The following SLC35F2 variants were observed in gnomAD, a reference collection of about 807,000 sequenced individuals.
The protein encoded by SLC35F2 is queuine/queuosine transporter SLC35F2.
A neutral mutation model predicts 38.1 loss-of-function variants in SLC35F2; 25 were observed. The ratio of observed to expected loss-of-function variants is 0.66; its 90% CI spans 0.48 to 0.92. The LOEUF (loss-of-function observed/expected upper bound fraction) is 0.92, where lower values mean the gene tolerates loss of function less well. Ranked by LOEUF, SLC35F2 falls within the 40% of genes least tolerant of loss-of-function variation. The pLI is 0.00. For synonymous variants in SLC35F2, 173 were observed against 181.7 expected (o/e 0.95, Z 0.38); for missense variants, 409 against 452.9 (o/e 0.90, Z 0.88).
intron 1 of SLC35F2, among the ~76,000 whole-genome samples, chr11:107,853,900 G>C (rs1193351925): frequency 3.9e-5 from 6 of 151,924 alleles, no homozygotes. Context: ...GTTGATGGTT[G>C]TTACAAGGAA....
chr11:107,823,663 T>A (rs1168128405), intron 1 of SLC35F2, among the ~76,000 whole-genome samples: 1 of 152,130 alleles, frequency 6.6e-6, no homozygotes, highest in Non-Finnish European at 1.5e-5. Context: ...GCACTGTGAC[T>A]CACACCTGTA....
At chr11:107,815,005 G>T (rs933551384) in intron 2 of SLC35F2, among the ~76,000 whole-genome samples, 8 of 152,032 alleles carry the variant, frequency 5.3e-5, no homozygotes, top group Non-Finnish European at 7.4e-5. Context: ...TTGAACCCAG[G>T]AGGCGGAGGT....
chr11:107,847,525 T>C (rs1267802916), intron 1 of SLC35F2, among the ~76,000 whole-genome samples: 2 of 152,216 alleles, frequency 1.3e-5, no homozygotes, highest in Admixed American at 1.3e-4. Context: ...GAGGAATTGC[T>C]ACCATTTCAG....
At chr11:107,803,719 GACT>G (rs754050549) in intron 6 of SLC35F2, among the ~76,000 whole-genome samples, 11 of 151,452 alleles carry the variant, frequency 7.3e-5, no homozygotes, top group Non-Finnish European at 1.3e-4. Context: ...CGTGGATGTT[GACT>G]ACATTAGCAG....
rs75033506 is a variant in SLC35F2 at position 107,803,320 on chromosome 11, A to G, written c.785-165T>C. ...AAATGAGACCATAAAGCTCTCTCGA[A>G]AAAAGAATATAAATAGCAAGTTGTG... On this transcript the variant is annotated intron_variant, in intron 6 of 7. Transcript: ENST00000525815. The G allele has an allele frequency of 5.1e-6, 5 of 984,066 alleles. No homozygotes were observed. In the South Asian group the frequency reaches 1.9e-4, roughly 37 times the overall value. 61.0% of individuals were successfully genotyped at this position (984,066 alleles called of 1,614,324 possible).
At chr11:107,811,883 T>G in intron 2 of SLC35F2, 89 bp from the exon 3 acceptor site, 1 of 1,264,348 alleles carries the variant, frequency 7.9e-7, no homozygotes, top group Non-Finnish European at 1.1e-6. Flanking sequence ...AAGCAAGAGT[T>G]TCTTGTTTTT....
intron 6 of SLC35F2, chr11:107,803,430 G>C (rs558397763): frequency 4.1e-6 from 4 of 984,980 alleles, no homozygotes; most frequent in African/African-American, 1.7e-5. Flanking sequence ...ACAGTCCATT[G>C]CTCTTAATCA....
At chr11:107,823,913 A>G in intron 1 of SLC35F2, 2 of 829,558 alleles carry the variant, frequency 2.4e-6, no homozygotes, top group African/African-American at 2.0e-5. Context: ...TGGGCGACAT[A>G]ACAAGACAGT....
intron 1 of SLC35F2, among the ~76,000 whole-genome samples, chr11:107,830,016 G>A (rs944659781): frequency 1.5e-4 from 23 of 151,850 alleles, no homozygotes; most frequent in African/African-American, 5.1e-4. Context: ...ATCCTAGCAC[G>A]TTGGGAAGGC....
intron 1 of SLC35F2, among the ~76,000 whole-genome samples, chr11:107,852,184 A>C (rs1860197987): frequency 6.6e-6 from 1 of 151,296 alleles, no homozygotes; most frequent in African/African-American, 2.4e-5. Flanking sequence ...TTGGGAGGCC[A>C]AGGGAGGTGG....
At position 107,792,488 on chromosome 11, in the gene SLC35F2, TA is replaced by T; in HGVS notation, c.*126del. The stretch of plus-strand genomic sequence containing the variant: ...TTGTTCAGTGTTCCTTTCTAAAACC[TA>T]ACCACTGGATCCAACCCAGGGTTGT... On this transcript the variant is annotated 3_prime_UTR_variant, in exon 8 of 8. Transcript: ENST00000525815. The T allele has an allele frequency of 8.9e-7, 1 of 1,120,356 alleles. No individual in the cohort carries two copies. The highest frequency in any genetic ancestry group is 1.2e-6 in the Non-Finnish European group (1 of 818,730). 69.4% of individuals were successfully genotyped at this position (1,120,356 alleles called of 1,614,324 possible). A position where few individuals can be genotyped will look rare whatever the true frequency, so the allele number is the denominator to read the frequency against.
At chr11:107,815,605 C>A (rs908060614) in intron 2 of SLC35F2, among the ~76,000 whole-genome samples, 185 bp downstream of exon 2, 66 of 150,656 alleles carry the variant, frequency 4.4e-4, no homozygotes, top group Non-Finnish European at 6.1e-4. Flanking sequence ...AAAAAAAAAA[C>A]ACTTTTTTTT....
rs377369981 is a variant in SLC35F2, at chr11:107,792,727, C to G, written c.1013G>C (p.Arg338Pro). 1 of 1,613,572 alleles carries G rather than the reference C, an allele frequency of 6.2e-7. No homozygotes were observed. The highest frequency in any genetic ancestry group is 1.7e-5 in the Admixed American group (1 of 59,922). Residue 338 changes from arginine (R) to proline (P), a missense_variant, in exon 8 of 8, where the codon CGC (arginine) becomes CCC (proline). By Grantham distance (103) the Arg-to-Pro change is moderately radical. Coordinates refer to ENST00000525815, the MANE Select transcript of SLC35F2 (RefSeq NM_017515.5). Reference sequence around the variant, plus strand: ...GCTGCTTTCAGCCGGCTCGGCCGTGCGAGTAGGGGTGGAGCAGTACAGGAT... The same window carrying G: ...GCTGCTTTCAGCCGGCTCGGCCGTGGGAGTAGGGGTGGAGCAGTACAGGAT... The part of the protein sequence containing the change: ...GFILYCSTPT[R>P]TAEPAESSVP...
chr11:107,837,430 G>A (rs1193527689), intron 1 of SLC35F2, among the ~76,000 whole-genome samples: 1 of 151,466 alleles, frequency 6.6e-6, no homozygotes, highest in Non-Finnish European at 1.5e-5. Flanking sequence ...GCTCATGCCT[G>A]TAATCCCAGC....
At chr11:107,812,497 T>C (rs910014079) in intron 2 of SLC35F2, among the ~76,000 whole-genome samples, 1 of 150,834 alleles carries the variant, frequency 6.6e-6, no homozygotes, top group Non-Finnish European at 1.5e-5. Context: ...GCTTACATAA[T>C]GAGACTCCAC....
intron 7 of SLC35F2, among the ~76,000 whole-genome samples, chr11:107,802,696 A>G (rs894203715): frequency 3.3e-4 from 50 of 152,208 alleles, no homozygotes; most frequent in African/African-American, 1.1e-3. Flanking sequence ...CTCAAGGTCA[A>G]CAGCAGCTCT....
intron 7 of SLC35F2, among the ~76,000 whole-genome samples, chr11:107,802,547 A>G (rs1429445568): frequency 6.6e-6 from 1 of 152,226 alleles, no homozygotes; most frequent in Non-Finnish European, 1.5e-5. Context: ...CAAAGACAGA[A>G]CCATTCCAAT....
intron 7 of SLC35F2, among the ~76,000 whole-genome samples, chr11:107,801,814 C>A (rs1463473846): frequency 6.6e-6 from 1 of 152,134 alleles, no homozygotes; most frequent in Non-Finnish European, 1.5e-5. Flanking sequence ...AGTGCAGTGG[C>A]AAGAAGCCTG....
intron 1 of SLC35F2, among the ~76,000 whole-genome samples, chr11:107,834,677 CA>C (rs910934744): frequency 5.3e-5 from 8 of 152,054 alleles, no homozygotes; most frequent in Admixed American, 2.0e-4. Context: ...AATGAAGCTA[CA>C]AAAACACAGG....
Sources: gnomAD v4.1 joint callset for allele counts (sites outside exome capture counted in the v4.1 genomes callset) on GRCh38, gnomAD v4.1.1 for gene constraint, MANE v1.5 for transcripts, NCBI Gene and HGNC (gene_info 2026-07-23, HGNC 2026-07-21) for gene names.